Variants in CSMD2 observed in about 807,000 individuals in gnomAD.
CSMD2 encodes CUB and Sushi multiple domains 2.
A neutral mutation model predicts 398.5 loss-of-function variants in CSMD2; 130 were observed. The observed-to-expected ratio is 0.33, with a 90% CI of 0.28 to 0.38. The LOEUF (loss-of-function observed/expected upper bound fraction) is 0.38. CSMD2 is among the 10% of genes least tolerant of loss of function. The pLI is 1.00. For synonymous variants in CSMD2, 1,828 were observed against 1,908.5 expected (o/e 0.96, Z 1.10); for missense variants, 3,829 against 4,764.9 (o/e 0.80, Z 5.78).
chr1:33,542,038 C>T (rs539734040), intron 58 of CSMD2, among the ~76,000 whole-genome samples: 1 of 152,294 alleles, frequency 6.6e-6, no homozygotes, highest in East Asian at 1.9e-4. Flanking sequence ...TTGGTGAGCT[C>T]TGGTCTCAAA....
At chr1:33,582,893 A>T (rs1638828285) in intron 47 of CSMD2, among the ~76,000 whole-genome samples, 1 of 152,226 alleles carries the variant, frequency 6.6e-6, no homozygotes, top group Admixed American at 6.5e-5. Flanking sequence ...CTGGCCATGT[A>T]GTCTTTTCCA....
intron 25 of CSMD2, among the ~76,000 whole-genome samples, chr1:33,682,222 CCT>C (rs923070509): frequency 2.0e-5 from 3 of 152,194 alleles, no homozygotes; most frequent in Non-Finnish European, 4.4e-5. Flanking sequence ...ATAAAATCTC[CCT>C]CTGTCTTCTT....
chr1:33,536,602 A>G lies in CSMD2; in HGVS notation c.9879+420T>C, dbSNP rs144521626. ...CAAAGCTCATCTGAGGTGTGTCCGC[A>G]GGGCCTGTGTCCTGGTGGGCCAGGC... On this transcript the variant is annotated intron_variant, in intron 62 of 70. Coordinates refer to ENST00000373381, the MANE Select transcript of CSMD2 (RefSeq NM_001281956.2). Among the ~76,000 whole-genome samples the G allele has an allele frequency of 3.9e-3, 598 of 152,276 alleles. 1 individual carries two copies. Among genetic ancestry groups the G allele is most frequent in the Middle Eastern group, 6.8e-3 (2 of 294 alleles).
intron 28 of CSMD2, among the ~76,000 whole-genome samples, chr1:33,649,725 A>T (rs762666631): frequency 6.6e-6 from 1 of 152,228 alleles, no homozygotes; most frequent in Non-Finnish European, 1.5e-5. Context: ...TGTTTTACTT[A>T]AAGTCAACAG....
chr1:33,700,841 G>T (rs546328917), intron 22 of CSMD2, among the ~76,000 whole-genome samples, 168 bp from the exon 23 acceptor site: 1 of 152,336 alleles, frequency 6.6e-6, no homozygotes, highest in East Asian at 1.9e-4. Flanking sequence ...GCTATCAACT[G>T]AGCAAGTTAT....
intron 5 of CSMD2, among the ~76,000 whole-genome samples, chr1:33,897,710 T>G (rs965423952): frequency 2.0e-5 from 3 of 152,168 alleles, no homozygotes; most frequent in Non-Finnish European, 4.4e-5. Flanking sequence ...ATGAGCTCAA[T>G]TCACCTGAGA....
chr1:33,974,705 A>G (rs1645897603), intron 3 of CSMD2, among the ~76,000 whole-genome samples: 1 of 152,216 alleles, frequency 6.6e-6, no homozygotes, highest in Admixed American at 6.5e-5. Context: ...AGCACACTGC[A>G]GGAGAATACT....
chr1:33,848,612 G>A (rs1263068337), intron 5 of CSMD2, among the ~76,000 whole-genome samples: 2 of 152,134 alleles, frequency 1.3e-5, no homozygotes, highest in African/African-American at 2.4e-5. Context: ...AACTAACCAA[G>A]GAGCTTCACG....
At position 33,726,604 on chromosome 1, in the gene CSMD2, C is replaced by T. The variant is rs777819362; in HGVS notation, c.2450G>A (p.Ser817Asn). The change falls in exon 16 of 71, where the codon AGC becomes AAC. Residue 817 changes from serine (S) to asparagine (N), a missense_variant. Physicochemically the swap from Ser to Asn is conservative, Grantham distance 46 (BLOSUM62 1). Transcript: ENST00000373381. ...CTGGGCCTCAATCACCCAGGCACAG[C>T]TCAAGGCATCCTTGTAGAAGCCAGG... is the stretch of plus-strand genomic sequence containing the variant. The part of the protein sequence containing the change: ...GWPGFYKDAL[S>N]CAWVIEAQPG... The T allele has an allele frequency of 1.2e-6, 2 of 1,613,850 alleles. No homozygotes were observed. The highest frequency in any genetic ancestry group is 1.7e-6 in the Non-Finnish European group (2 of 1,179,988).
rs75917755 is a variant in CSMD2 at position 33,984,141 on chromosome 1, G to A, written c.518-48187C>T. ...TGCACTCCAGCCTGGGTGACAGAGC[G>A]AGACTCTGTCTCCCCCCACCAAAAA... On this transcript the variant is annotated intron_variant, in intron 3 of 70. Coordinates refer to ENST00000373381, the MANE Select transcript of CSMD2 (RefSeq NM_001281956.2). Among the ~76,000 whole-genome samples the A allele has an allele frequency of 5.7e-3, 837 of 146,844 alleles. 6 individuals carry two copies. The highest frequency in any genetic ancestry group is 0.02 in the African/African-American group (789 of 38,494).
chr1:34,014,417 G>A (rs961346713), intron 3 of CSMD2, among the ~76,000 whole-genome samples: 6 of 152,152 alleles, frequency 3.9e-5, no homozygotes, highest in Admixed American at 3.3e-4. Flanking sequence ...CCTACCACTC[G>A]TCTCCCTCAC....
intron 3 of CSMD2, among the ~76,000 whole-genome samples, chr1:33,944,890 T>G (rs1039262224): frequency 2.0e-5 from 3 of 152,070 alleles, no homozygotes; most frequent in African/African-American, 4.8e-5. Context: ...AAGACCCTTG[T>G]TTGTTTCACT....
chr1:33,801,885 G>A (rs1392798018), intron 10 of CSMD2, among the ~76,000 whole-genome samples: 1 of 152,174 alleles, frequency 6.6e-6, no homozygotes, highest in Non-Finnish European at 1.5e-5. Flanking sequence ...AGGGAGAGAT[G>A]GGGCAGAGAG....
chr1:34,121,520 A>C (rs1218579163), intron 1 of CSMD2, among the ~76,000 whole-genome samples: 1 of 152,124 alleles, frequency 6.6e-6, no homozygotes, highest in Non-Finnish European at 1.5e-5. Flanking sequence ...GTGCTTCTCA[A>C]ACTTTAATGT....
intron 5 of CSMD2, among the ~76,000 whole-genome samples, chr1:33,903,314 T>C (rs112661779): frequency 1.9e-4 from 29 of 150,928 alleles, no homozygotes; most frequent in African/African-American, 7.0e-4. Flanking sequence ...ACCTCTCCAG[T>C]TCTGTTGTCG....
chr1:34,146,746 C>G (rs965201109), intron 1 of CSMD2, among the ~76,000 whole-genome samples: 16 of 152,100 alleles, frequency 1.1e-4, no homozygotes, highest in African/African-American at 3.9e-4. Context: ...TGTGAAGATG[C>G]ATGAAGCAAT....
At chr1:33,673,374 A>G (rs1644584524) in intron 25 of CSMD2, among the ~76,000 whole-genome samples, 2 of 152,238 alleles carry the variant, frequency 1.3e-5, no homozygotes, top group Admixed American at 6.5e-5. Flanking sequence ...ATGGAAGACG[A>G]AATGAATGAA....
intron 5 of CSMD2, among the ~76,000 whole-genome samples, chr1:33,853,774 G>A (rs1296115924): frequency 3.3e-5 from 5 of 152,104 alleles, no homozygotes; most frequent in African/African-American, 1.2e-4. Context: ...GAGGCAGGGT[G>A]GGTTAAGAAC....
intron 12 of CSMD2, among the ~76,000 whole-genome samples, chr1:33,786,474 C>T (rs1405506583): frequency 6.6e-6 from 1 of 152,212 alleles, no homozygotes; most frequent in Non-Finnish European, 1.5e-5. Flanking sequence ...AGCCCCACAG[C>T]TGCTTATGTG....
Sources: gnomAD v4.1 joint callset for allele counts (sites outside exome capture counted in the v4.1 genomes callset) on GRCh38, gnomAD v4.1.1 for gene constraint, MANE v1.5 for transcripts, NCBI Gene and HGNC (gene_info 2026-07-23, HGNC 2026-07-21) for gene names.